Variants in ZIM2 observed in about 807,000 individuals in gnomAD.
The protein encoded by ZIM2 is zinc finger imprinted 2.
Under a neutral mutation model 38.6 loss-of-function variants are expected in ZIM2, and 14 were observed. The observed-to-expected ratio is 0.36, with a 90% CI of 0.24 to 0.57. ZIM2 has a LOEUF of 0.57. Among genes scored for constraint, ZIM2 ranks in the 20% least tolerant of loss-of-function variants. ZIM2 has a pLI of 0.81. For synonymous variants in ZIM2, 247 were observed against 245.8 expected, an observed-to-expected ratio of 1.00 and a Z score of -0.04; for missense variants, 680 against 695.1, an observed-to-expected ratio of 0.98 and a Z score of 0.24.
intron 7 of ZIM2, among the ~76,000 whole-genome samples, chr19:56,821,375 G>T (rs2060470216): frequency 6.6e-6 from 1 of 152,108 alleles, no homozygotes; most frequent in Admixed American, 6.5e-5. Context: ...TGCTTCCCTG[G>T]CCCTGTAGGG....
chr19:56,778,940 T>A, intron 12 of ZIM2, among the ~76,000 whole-genome samples: 1 of 151,858 alleles, frequency 6.6e-6, no homozygotes, highest in South Asian at 2.1e-4. Flanking sequence ...TGAGTTGGCA[T>A]AAGTAGGGGG....
chr19:56,823,626 C>G lies in ZIM2; in HGVS notation c.70G>C (p.Glu24Gln), dbSNP rs1378743700. 2 of 1,613,968 alleles carry G rather than the reference C, an allele frequency of 1.2e-6. No individual in the cohort carries two copies. The highest frequency in any genetic ancestry group is 1.3e-5 in the African/African-American group (1 of 74,870). The change falls in exon 5 of 13, where the codon GAG (glutamate) becomes CAG (glutamine). Residue 24 changes from glutamate (E) to glutamine (Q), a missense_variant. Physicochemically the swap from Glu to Gln is conservative, Grantham distance 29 (BLOSUM62 2). Transcript: ENST00000629319. ...SDDDMTRNRR[E>Q]SSPPHSVHSF... ...TGGACTGAGTGAGGTGGTGAGGACTCTCTTCTGTTCCGGGTCATGTCGTCG... is the reference window on the plus strand; with the variant it reads ...TGGACTGAGTGAGGTGGTGAGGACTGTCTTCTGTTCCGGGTCATGTCGTCG...
rs2062056362 is a variant in ZIM2, at chr19:56,835,943, A to AAAGTGTCAGAGTAAGG, written c.-227+59_-227+74dup. 4 of 467,146 alleles carry AAAGTGTCAGAGTAAGG rather than the reference A, an allele frequency of 8.6e-6. No homozygotes were observed. In the Admixed American group the frequency reaches 9.1e-5, roughly 11 times the overall value. 28.9% of individuals were successfully genotyped at this position (467,146 alleles called of 1,614,324 possible). ...CTATGTGGAACACATATGCAGTAGG[A>AAAGTGTCAGAGTAAGG]AAGTGTCAGAGTAAGGAAGTGCGGT... On this transcript the variant is annotated intron_variant, in intron 2 of 12. Transcript: ENST00000629319.
At position 56,836,051 on chromosome 19, in the gene ZIM2, C is replaced by T. The variant is rs778790334; in HGVS notation, c.-260G>A. ...AGCCACCTAGCGTTTGGACCTAGTCCCTCTTCCTCTCGCCAGTCGTCTCCA... is the reference window on the plus strand; with the variant it reads ...AGCCACCTAGCGTTTGGACCTAGTCTCTCTTCCTCTCGCCAGTCGTCTCCA... On this transcript the variant is annotated 5_prime_UTR_variant, in exon 2 of 13. Transcript: ENST00000629319. 1 of 509,622 alleles carries T rather than the reference C, an allele frequency of 2.0e-6. No homozygotes were observed. The highest frequency in any genetic ancestry group is 3.9e-6 in the Non-Finnish European group (1 of 255,554). The allele number at this position is 509,622 out of a possible 1,614,324, so 31.6% of individuals were successfully genotyped here.
intron 9 of ZIM2, among the ~76,000 whole-genome samples, chr19:56,806,429 G>A (rs1394073648): frequency 6.6e-6 from 1 of 152,130 alleles, no homozygotes; most frequent in Non-Finnish European, 1.5e-5. Flanking sequence ...GAAGGGGGAG[G>A]AGAGAGTAGA....
chr19:56,822,444 A>T (rs929402774), intron 6 of ZIM2: 3 of 321,062 alleles, frequency 9.3e-6, no homozygotes, highest in African/African-American at 6.4e-5. Flanking sequence ...ATGGCACTTC[A>T]TACTAGTTTT....
chr19:56,814,857 C>A lies in ZIM2; in HGVS notation c.490+2889G>T. ...AGAGGGCAATAAAACCATCATCACA[C>A]CCCTTCATGGAATACAACTGGTCTT... On this transcript the variant is annotated intron_variant, in intron 9 of 12. Transcript: ENST00000629319. This position sits in a 1 kb window ranked among gnomAD's most constrained non-coding sequence, Gnocchi z 5.8. 6.2e-7 allele frequency: 1 copy of A among 1,614,156 alleles called. No individual in the cohort carries two copies. The highest frequency in any genetic ancestry group is 8.5e-7 in the Non-Finnish European group (1 of 1,180,036).
intron 9 of ZIM2, chr19:56,815,998 TGGTTGATA>T (rs1382263113): frequency 6.3e-7 from 1 of 1,587,938 alleles, no homozygotes. Context: ...AACTCTCTGA[TGGTTGATA>T]GCATCGAAGC....
chr19:56,775,582 C>T (rs1361465420), intron 12 of ZIM2, 53 bp from the exon 13 acceptor site: 8 of 1,530,610 alleles, frequency 5.2e-6, no homozygotes, highest in Admixed American at 2.1e-5. Flanking sequence ...AATCCTGCCC[C>T]CCAATAATGA....
At chr19:56,783,121 G>A (rs2046411644) in intron 10 of ZIM2, among the ~76,000 whole-genome samples, 2 of 151,948 alleles carry the variant, frequency 1.3e-5, no homozygotes, top group Non-Finnish European at 2.9e-5. Flanking sequence ...ACATGGATGG[G>A]CATGTTTATT....
Position 56,775,261 on chromosome 19 carries a change from A to C in ZIM2, c.1104T>G (p.Phe368Leu). The C allele has an allele frequency of 6.2e-7, 1 of 1,614,122 alleles. No individual in the cohort carries two copies. The highest frequency in any genetic ancestry group is 1.1e-5 in the South Asian group (1 of 91,076). Residue 368 changes from phenylalanine to leucine, a missense_variant, in exon 13 of 13, where the codon TTT becomes TTG. Physicochemically the swap from Phe to Leu is conservative, Grantham distance 22. Transcript: ENST00000629319. Reference sequence around the variant, plus strand: ...GTCTCCTAAGGGCTACTTGCGTACTAAAGGTTCGTTTGCAAAATTCACATC... The same window carrying C: ...GTCTCCTAAGGGCTACTTGCGTACTCAAGGTTCGTTTGCAAAATTCACATC... ...HNRCEFCKRT[F>L]STQVALRRHE...
chr19:56,810,509 G>A, intron 9 of ZIM2: 1 of 984,638 alleles, frequency 1.0e-6, no homozygotes, highest in Non-Finnish European at 1.2e-6. Context: ...AATTGTTGTT[G>A]GGTGTTGGGA....
At chr19:56,815,344 C>T (rs1002408347) in intron 9 of ZIM2, 2 of 1,614,204 alleles carry the variant, frequency 1.2e-6, no homozygotes, top group Non-Finnish European at 1.7e-6. Context: ...GAAGTCCTTA[C>T]ATTTGTTCCG....
intron 9 of ZIM2, chr19:56,816,654 A>ACG: frequency 6.2e-7 from 1 of 1,613,326 alleles, no homozygotes; most frequent in African/African-American, 1.3e-5. Context: ...GTTCACGTTC[A>ACG]TGTTCACGCT....
rs547680406 is a variant in ZIM2 at position 56,816,932 on chromosome 19, G to A, written c.490+814C>T. On this transcript the variant is annotated intron_variant, in intron 9 of 12. Coordinates refer to ENST00000629319, the MANE Select transcript of ZIM2 (RefSeq NM_001387356.1). Reference sequence around the variant, plus strand: ...TCTCCACAGTCCTTACATTCAAAACGTTTCCCTCCAACCTGACTTTTCTGA... The same window carrying A: ...TCTCCACAGTCCTTACATTCAAAACATTTCCCTCCAACCTGACTTTTCTGA... The A allele has an allele frequency of 1.2e-4, 186 of 1,614,130 alleles. No homozygotes were observed. The South Asian group carries it at 1.8e-3, about 16-fold the overall frequency.
At chr19:56,783,936 G>A (rs577446509) in intron 10 of ZIM2, among the ~76,000 whole-genome samples, 44 of 152,262 alleles carry the variant, frequency 2.9e-4, no homozygotes, top group African/African-American at 9.1e-4. Context: ...ATTGTAACAC[G>A]TGTAAGAAAA....
chr19:56,835,661 C>T (rs1362609967), intron 2 of ZIM2, among the ~76,000 whole-genome samples: 1 of 152,216 alleles, frequency 6.6e-6, no homozygotes, highest in Admixed American at 6.5e-5. Flanking sequence ...ACTTCCTTTC[C>T]CCCATTGGGG....
intron 1 of ZIM2, 28 bp from the exon 2 acceptor site, chr19:56,836,132 C>T (rs976576799): frequency 3.3e-5 from 15 of 453,554 alleles, no homozygotes; most frequent in Non-Finnish European, 6.7e-5. Flanking sequence ...ATGTGAGACG[C>T]CAAGTTTATT....
rs140722468 is a variant in ZIM2, at chr19:56,815,635, C to A, written c.490+2111G>T. 38 of 1,613,990 alleles carry A rather than the reference C, an allele frequency of 2.4e-5. 1 individual carries two copies. The highest frequency in any genetic ancestry group is 3.0e-5 in the Non-Finnish European group (35 of 1,180,016). On this transcript the variant is annotated intron_variant, in intron 9 of 12. Coordinates refer to ENST00000629319, the MANE Select transcript of ZIM2 (RefSeq NM_001387356.1). ...ATGCTCAATGTATTTCTTTTTAGCA[C>A]GAGCCTTCTGGTATTCACGGACATT... is the stretch of plus-strand genomic sequence containing the variant.
Sources: gnomAD v4.1 joint callset for allele counts (sites outside exome capture counted in the v4.1 genomes callset) on GRCh38, gnomAD v4.1.1 for gene constraint, Gnocchi (gnomAD v3.1) non-coding constraint, MANE v1.5 for transcripts, NCBI Gene and HGNC (gene_info 2026-07-23, HGNC 2026-07-21) for gene names.